Variants in C12orf42 observed in about 807,000 individuals in gnomAD.
C12orf42 encodes chromosome 12 open reading frame 42, also known as uncharacterized protein C12orf42.
A neutral mutation model predicts 21.6 loss-of-function variants in C12orf42; 25 were observed. That is an observed-to-expected ratio of 1.16 (90% confidence interval 0.84 to 1.62). The LOEUF (loss-of-function observed/expected upper bound fraction) is 1.62, where lower values mean the gene tolerates loss of function less well. Ranked by LOEUF, C12orf42 falls within the 40% of genes most tolerant of loss-of-function variation. The pLI, the probability that C12orf42 is intolerant of heterozygous loss-of-function variation, is 0.00. For missense variants in C12orf42, 483 were observed against 459.3 expected, an observed-to-expected ratio of 1.05 and a Z score of -0.47; for synonymous variants, 174 against 175.0, an observed-to-expected ratio of 0.99 and a Z score of 0.05.
intron 1 of C12orf42, among the ~76,000 whole-genome samples, chr12:103,480,648 T>C (rs963844958): frequency 1.1e-4 from 16 of 151,716 alleles, no homozygotes; most frequent in African/African-American, 3.6e-4. Context: ...TCTAATGCTT[T>C]TGAATTTGCA....
the C12orf42 span, among the ~76,000 whole-genome samples, chr12:103,087,456 T>C: frequency 6.6e-6 from 1 of 152,198 alleles, no homozygotes; most frequent in African/African-American, 2.4e-5. Flanking sequence ...CTGGGGGATG[T>C]CACTGTTTTG....
At chr12:103,360,067 C>T (rs1333082197) in intron 4 of C12orf42, among the ~76,000 whole-genome samples, 1 of 150,614 alleles carries the variant, frequency 6.6e-6, no homozygotes, top group African/African-American at 2.4e-5. Context: ...GTTTTCCTAC[C>T]TGTAGTCTTG....
chr12:103,111,041 A>G, the C12orf42 span, among the ~76,000 whole-genome samples: 5 of 152,332 alleles, frequency 3.3e-5, no homozygotes, highest in South Asian at 8.3e-4. Flanking sequence ...TTTAACTGCC[A>G]GGAAACTCAG....
chr12:103,294,564 A>AGGAAGG (rs1229790200), intron 4 of C12orf42, among the ~76,000 whole-genome samples: 8 of 123,406 alleles, frequency 6.5e-5, no homozygotes, highest in African/African-American at 2.5e-4. Context: ...AAAGAAAGAA[A>AGGAAGG]AAGAAAGGAA....
At chr12:103,533,021 T>C in the C12orf42 span, among the ~76,000 whole-genome samples, 1 of 152,210 alleles carries the variant, frequency 6.6e-6, no homozygotes, top group East Asian at 1.9e-4. Context: ...GGTTCAGTCC[T>C]TGACAGAATA....
rs538755843 is a variant in C12orf42, at chr12:103,342,664, G to A, written c.259+26223C>T. On this transcript the variant is annotated intron_variant, in intron 4 of 5. Coordinates refer to ENST00000548883, the MANE Select transcript of C12orf42 (RefSeq NM_198521.5). ...TTATATATTCATTTCCCCACCCCCC[G>A]CCCCCGCATCCCATCTTTCTACAAA... Among the ~76,000 whole-genome samples, 10 of 100,012 alleles carry A rather than the reference G, an allele frequency of 1.0e-4. No individual in the cohort carries two copies. In the East Asian group the frequency reaches 1.4e-3, roughly 14 times the overall value. 65.6% of individuals were successfully genotyped at this position (100,012 alleles called of 152,430 possible).
the C12orf42 span, among the ~76,000 whole-genome samples, chr12:103,546,645 C>G: frequency 1.3e-5 from 2 of 152,194 alleles, no homozygotes; most frequent in Non-Finnish European, 2.9e-5. Context: ...GACGTTGAAG[C>G]TTGAAGATAC....
Position 103,306,305 on chromosome 12 carries a change from T to C in C12orf42, c.300A>G (p.Arg100=). The C allele has an allele frequency of 6.2e-7, 1 of 1,612,334 alleles. No homozygotes were observed. Among genetic ancestry groups the C allele is most frequent in the Non-Finnish European group, 8.5e-7 (1 of 1,179,168 alleles). Residue 100 remains arginine (R), a synonymous_variant, in exon 5 of 6, where the codon AGA becomes AGG. Transcript: ENST00000548883. Reference sequence around the variant, plus strand: ...CTATGTACTGGCAAGTATGAAGTAGTCTTTTACACGCCATTGAATTTTGAG... The same window carrying C: ...CTATGTACTGGCAAGTATGAAGTAGCCTTTTACACGCCATTGAATTTTGAG... ...ERTQNSMACK[R]LLHTCQYIVP...
chr12:103,103,679 C>G, the C12orf42 span, among the ~76,000 whole-genome samples: 1 of 151,774 alleles, frequency 6.6e-6, no homozygotes, highest in African/African-American at 2.4e-5. Context: ...ACACTGCATA[C>G]AAACATAAGT....
chr12:103,361,010 A>G (rs1460480457), intron 4 of C12orf42, among the ~76,000 whole-genome samples: 1 of 152,110 alleles, frequency 6.6e-6, no homozygotes, highest in Non-Finnish European at 1.5e-5. Context: ...GGGGAAAAAA[A>G]TGTTGTATGG....
At chr12:103,224,822 G>A in the C12orf42 span, among the ~76,000 whole-genome samples, 4 of 152,166 alleles carry the variant, frequency 2.6e-5, no homozygotes, top group African/African-American at 9.7e-5. Context: ...TGCACAGAAA[G>A]GCTACAGGGT....
chr12:103,257,882 G>A (rs1268464386), intron 10 of C12orf42, among the ~76,000 whole-genome samples: 1 of 151,776 alleles, frequency 6.6e-6, no homozygotes, highest in African/African-American at 2.4e-5. Context: ...TGAGACTATT[G>A]ACCCAGAATG....
intron 2 of C12orf42, among the ~76,000 whole-genome samples, chr12:103,465,036 G>A (rs1450411229): frequency 6.6e-6 from 1 of 151,792 alleles, no homozygotes; most frequent in African/African-American, 2.4e-5. Context: ...TTTTTATTTT[G>A]TTCTTTTTAC....
At chr12:103,429,136 A>G (rs546080066) in intron 2 of C12orf42, among the ~76,000 whole-genome samples, 1 of 152,364 alleles carries the variant, frequency 6.6e-6, no homozygotes, top group East Asian at 1.9e-4. Context: ...AGGCAAGAGA[A>G]AAAAATAAAG....
intron 4 of C12orf42, among the ~76,000 whole-genome samples, chr12:103,361,579 G>C (rs912473699): frequency 6.6e-6 from 1 of 151,794 alleles, no homozygotes; most frequent in Non-Finnish European, 1.5e-5. Context: ...AGGTGCAAAA[G>C]CCCTAAGTGC....
At chr12:103,129,121 C>G in the C12orf42 span, among the ~76,000 whole-genome samples, 1 of 152,298 alleles carries the variant, frequency 6.6e-6, no homozygotes, top group East Asian at 1.9e-4. Flanking sequence ...TTGGTAAGCA[C>G]TGTGACTGCA....
At chr12:103,200,327 GA>G in the C12orf42 span, among the ~76,000 whole-genome samples, 1 of 152,286 alleles carries the variant, frequency 6.6e-6, no homozygotes, top group East Asian at 1.9e-4. Flanking sequence ...AGTGACTGGG[GA>G]AACAGGGAAG....
intron 3 of C12orf42, among the ~76,000 whole-genome samples, chr12:103,388,376 C>G (rs984387305): frequency 6.6e-6 from 1 of 152,176 alleles, no homozygotes; most frequent in Admixed American, 6.5e-5. Context: ...TCCTACACCC[C>G]ACTCTGCATC....
At chr12:103,357,224 C>A (rs1483402442) in intron 4 of C12orf42, among the ~76,000 whole-genome samples, 2 of 151,442 alleles carry the variant, frequency 1.3e-5, no homozygotes, top group African/African-American at 4.9e-5. Flanking sequence ...TGCAGCACAC[C>A]AGCATGGCAC....
Sources: allele counts gnomAD v4.1 joint callset (sites outside exome capture counted in the v4.1 genomes callset), GRCh38; gene constraint gnomAD v4.1.1; transcripts MANE v1.5; gene names NCBI Gene and HGNC (gene_info 2026-07-23, HGNC 2026-07-21).